DST: variants seen among roughly 807,000 people sequenced by gnomAD.
The protein encoded by DST is dystonin, also known as bullous pemphigoid antigen.
A neutral mutation model predicts 875.2 loss-of-function variants in DST; 253 were observed. The observed-to-expected ratio is 0.29, with a 90% CI of 0.26 to 0.32. The LOEUF (loss-of-function observed/expected upper bound fraction) is 0.32. Ranked by LOEUF, DST falls within the 10% of genes least tolerant of loss-of-function variation. The pLI, the probability that DST is intolerant of heterozygous loss-of-function variation, is 1.00. For missense variants in DST, 8,287 were observed against 9,111.6 expected (o/e 0.91, Z 3.68); for synonymous variants, 3,124 against 3,197.1 (o/e 0.98, Z 0.77).
intron 4 of DST, among the ~76,000 whole-genome samples, chr6:56,849,986 T>C (rs1562169430): frequency 6.6e-6 from 1 of 152,234 alleles, no homozygotes; most frequent in Non-Finnish European, 1.5e-5. Context: ...GTCATCTGTA[T>C]AGGCATTCAT....
At chr6:56,842,983 G>T in intron 4 of DST, 1 of 1,302,130 alleles carries the variant, frequency 7.7e-7, no homozygotes, top group Non-Finnish European at 1.0e-6. Flanking sequence ...TGGTGGCTCT[G>T]ATTAAGGAAA....
chr6:56,867,236 C>G (rs1481059359), intron 3 of DST, among the ~76,000 whole-genome samples: 1 of 152,118 alleles, frequency 6.6e-6, no homozygotes, highest in South Asian at 2.1e-4. Flanking sequence ...CTTTGGCTTT[C>G]TTATTTATAA....
In DST at chr6:56,559,006, A is replaced by G. The variant is rs182579180; in HGVS notation, c.14440+1288T>C. On this transcript the variant is annotated intron_variant, in intron 58 of 103. Transcript: ENST00000680361. ...TCAGAGCACTTCTTTCAGCACTTCA[A>G]CACAGTCACTCGATAAATATTCATT... Among the ~76,000 whole-genome samples the G allele has an allele frequency of 2.0e-3, 310 of 152,218 alleles. 4 individuals carry two copies. Among genetic ancestry groups the G allele is most frequent in the Non-Finnish European group, 3.4e-3 (229 of 67,988 alleles).
intron 4 of DST, among the ~76,000 whole-genome samples, chr6:56,846,108 C>CG (rs2099806874): frequency 6.6e-6 from 1 of 152,188 alleles, no homozygotes; most frequent in Non-Finnish European, 1.5e-5. Flanking sequence ...ATAGTACCTA[C>CG]TTCATGGGGT....
At chr6:56,644,483 T>C (rs1012478045) in intron 15 of DST, among the ~76,000 whole-genome samples, 27 of 152,140 alleles carry the variant, frequency 1.8e-4, no homozygotes, top group African/African-American at 6.3e-4. Flanking sequence ...TCAGGCGCTG[T>C]GTAAAGCACT....
In DST at chr6:56,458,138, T is replaced by C. The variant is rs1189198770; in HGVS notation, c.*867A>G. On this transcript the variant is annotated 3_prime_UTR_variant, in exon 104 of 104. Transcript: ENST00000680361. ...GATTATTTCAGATGAGAAATCAAAA[T>C]AAACCCATTTTTAAGTATCTTTTGG... The C allele has an allele frequency of 6.6e-6, 1 of 152,518 alleles. No individual in the cohort carries two copies. Among genetic ancestry groups the C allele is most frequent in the Non-Finnish European group, 1.5e-5 (1 of 67,984 alleles). The allele number at this position is 152,518 out of a possible 1,614,324, so 9.4% of individuals were successfully genotyped here.
At chr6:56,562,392 GTATTGTCTTAAACACTACCA>G (rs1170412531) in intron 55 of DST, among the ~76,000 whole-genome samples, 192 bp from the exon 56 acceptor site, 1 of 151,760 alleles carries the variant, frequency 6.6e-6, no homozygotes, top group African/African-American at 2.4e-5. Flanking sequence ...TATTCTTAAA[GTATTGTCTTAAACACTACCA>G]TTTCAGTATG....
chr6:56,891,034 G>C (rs1378661559), intron 3 of DST, among the ~76,000 whole-genome samples: 1 of 152,222 alleles, frequency 6.6e-6, no homozygotes, highest in East Asian at 1.9e-4. Flanking sequence ...ATGTTGAATA[G>C]GGTGGCTCTA....
intron 4 of DST, among the ~76,000 whole-genome samples, chr6:56,831,505 T>G (rs2099786958): frequency 6.6e-6 from 1 of 151,970 alleles, no homozygotes; most frequent in African/African-American, 2.4e-5. Flanking sequence ...AATTCTGCCT[T>G]CCTTCAAATG....
Position 56,620,313 on chromosome 6 carries a change from G to T in DST, c.4929+4217C>A, listed in dbSNP as rs1442471079. The T allele has an allele frequency of 1.9e-6, 3 of 1,613,984 alleles. No homozygotes were observed. The African/African-American group carries it at 4.0e-5, about 22-fold the overall frequency. On this transcript the variant is annotated intron_variant, in intron 36 of 103. Transcript: ENST00000680361. The stretch of plus-strand genomic sequence containing the variant: ...CTGGTAAAGGTGTTTTCCTCCAACT[G>T]ATTGCGAAAATTCAGGAGGTTCTCT...
rs766044749 is a variant in DST, at chr6:56,618,459, G to A, written c.4930-3975C>T. ...ATTTCACACTGGAGCAAAACTAATTGATGTTCATGCTCTTTGATCTGTTGG... is the reference window on the plus strand; with the variant it reads ...ATTTCACACTGGAGCAAAACTAATTAATGTTCATGCTCTTTGATCTGTTGG... On this transcript the variant is annotated intron_variant, in intron 36 of 103. Transcript: ENST00000680361. 2.4e-5 allele frequency: 38 copies of A among 1,614,016 alleles called. No individual in the cohort carries two copies. The highest frequency in any genetic ancestry group is 3.1e-5 in the Non-Finnish European group (36 of 1,180,018).
At chr6:56,613,552 C>T (rs2098569976) in intron 37 of DST, among the ~76,000 whole-genome samples, 1 of 152,202 alleles carries the variant, frequency 6.6e-6, no homozygotes, top group Non-Finnish European at 1.5e-5. Context: ...TTCTAAACGT[C>T]AGACAAGAGC....
intron 36 of DST, chr6:56,620,361 C>A (rs532648332): frequency 6.2e-7 from 1 of 1,614,072 alleles, no homozygotes; most frequent in Non-Finnish European, 8.5e-7. Context: ...CTTTTAGCCT[C>A]GGCCTCTATG....
chr6:56,866,718 G>A (rs966669518), intron 3 of DST, among the ~76,000 whole-genome samples: 1 of 152,132 alleles, frequency 6.6e-6, no homozygotes. Flanking sequence ...TAATCTGCTT[G>A]TTGTCTGTCT....
rs530148468 is a variant in DST, at chr6:56,573,944, T to C, written c.13028-57A>G. 4 of 1,245,560 alleles carry C rather than the reference T, an allele frequency of 3.2e-6. No individual in the cohort carries two copies. In the African/African-American group the frequency reaches 6.0e-5, roughly 19 times the overall value. The allele number at this position is 1,245,560 out of a possible 1,614,324, so 77.2% of individuals were successfully genotyped here. ...AAAGTTCTCTTTGCCCTATCCCTTT[T>C]CAAAAACACATGAAGGTGAATCATA... On this transcript the variant is annotated intron_variant, in intron 50 of 103. Coordinates refer to ENST00000680361, the MANE Select transcript of DST (RefSeq NM_001374736.1).
rs11758339 is a variant in DST, at chr6:56,463,051, C to T, written c.23065G>A (p.Ala7689Thr). 0.24 allele frequency: 389,959 copies of T among 1,600,196 alleles called. 50,011 individuals are homozygous for T. The highest frequency in any genetic ancestry group is 0.37 in the Middle Eastern group (2,256 of 6,036). ...AECSDFPVPSAEGTPIQGSKL... is the reference protein window; with the variant it reads ...AECSDFPVPSTEGTPIQGSKL... ...ACTCTGGGGCCTTACAATACCTCTGCAGATGGCACGGGAAAGTCTGAGCAC... is the reference window on the plus strand; with the variant it reads ...ACTCTGGGGCCTTACAATACCTCTGTAGATGGCACGGGAAAGTCTGAGCAC... The change falls in exon 102 of 104, where the codon GCA becomes ACA. Residue 7689 changes from alanine (A) to threonine (T), a missense_variant. Ala to Thr is a moderately conservative substitution (Grantham distance 58). Around this residue, in one of 10 missense-constraint regions of DST, gnomAD observed 240 missense variants for 237.3 expected, o/e 1.01. Coordinates refer to ENST00000680361, the MANE Select transcript of DST (RefSeq NM_001374736.1).
intron 71 of DST, 117 bp downstream of exon 71, chr6:56,517,081 A>G (rs2152489564): frequency 1.3e-6 from 1 of 758,666 alleles, no homozygotes; most frequent in East Asian, 2.5e-5. Context: ...TAAACTAATT[A>G]TTTTTGCTGC....
chr6:56,831,501 G>A (rs2099786948), intron 4 of DST, among the ~76,000 whole-genome samples: 1 of 151,866 alleles, frequency 6.6e-6, no homozygotes, highest in Non-Finnish European at 1.5e-5. Context: ...CTGAAATTCT[G>A]CCTTCCTTCA....
chr6:56,617,972 AAC>A (rs2098644464), intron 36 of DST: 1 of 1,607,988 alleles, frequency 6.2e-7, no homozygotes, highest in Non-Finnish European at 8.5e-7. Flanking sequence ...AAGGTCTCAG[AAC>A]ACAGAGTATA....
Sources: allele counts gnomAD v4.1 joint callset (sites outside exome capture counted in the v4.1 genomes callset), GRCh38; gene constraint gnomAD v4.1.1; regional missense constraint gnomAD v4.1.1; transcripts MANE v1.5; gene names NCBI Gene and HGNC (gene_info 2026-07-23, HGNC 2026-07-21).